The following PALB2 variants were observed in gnomAD, a reference collection of about 807,000 sequenced individuals.
The protein encoded by PALB2 is partner and localizer of BRCA2.
Under a neutral mutation model 107.4 loss-of-function variants are expected in PALB2, and 82 were observed. The ratio of observed to expected loss-of-function variants is 0.76; its 90% CI spans 0.64 to 0.92. PALB2 has a LOEUF of 0.92. Among genes scored for constraint, PALB2 ranks in the 40% least tolerant of loss-of-function variants. The pLI, the probability that PALB2 is intolerant of heterozygous loss-of-function variation, is 0.00. For synonymous variants in PALB2, 489 were observed against 496.8 expected, an observed-to-expected ratio of 0.98 and a Z score of 0.21; for missense variants, 1,374 against 1,379.9, an observed-to-expected ratio of 1.00 and a Z score of 0.07.
At chr16:23,605,647 G>T (rs1966458380) in intron 12 of PALB2, among the ~76,000 whole-genome samples, 1 of 152,168 alleles carries the variant, frequency 6.6e-6, no homozygotes, top group Non-Finnish European at 1.5e-5. Flanking sequence ...GACCTCAAGT[G>T]ATCTGCCCGC....
At chr16:23,625,103 C>A (rs900949610) in intron 7 of PALB2, among the ~76,000 whole-genome samples, 1 of 152,008 alleles carries the variant, frequency 6.6e-6, no homozygotes, top group South Asian at 2.1e-4. Flanking sequence ...GAAGCCGAGG[C>A]GAGTGGATCA....
At chr16:23,618,211 A>G (rs982430957) in intron 10 of PALB2, among the ~76,000 whole-genome samples, 2 of 152,098 alleles carry the variant, frequency 1.3e-5, no homozygotes, top group South Asian at 4.1e-4. Context: ...AGGTGGGAGG[A>G]TTCCTTGAGC....
rs113217267 is a variant in PALB2 at position 23,635,825 on chromosome 16, T to C, written c.721A>G (p.Asn241Asp). The change falls in exon 4 of 13, where the codon AAT (asparagine) becomes GAT (aspartate). Residue 241 changes from asparagine (N) to aspartate (D), a missense_variant. Asn to Asp is a conservative substitution (Grantham distance 23). Transcript: ENST00000261584. Reference sequence around the variant, plus strand: ...GGAACTGTAGTCGCCCTGGTGAAATTAGGTCTTCTTAGGAATGTATCAACA... The same window carrying C: ...GGAACTGTAGTCGCCCTGGTGAAATCAGGTCTTCTTAGGAATGTATCAACA... The part of the protein sequence containing the change: ...KGVDTFLRRP[N>D]FTRATTVPLQ... 3.3e-4 allele frequency: 537 copies of C among 1,614,164 alleles called. 3 individuals are homozygous for C. In the African/African-American group the frequency reaches 6.3e-3, roughly 19 times the overall value.
In PALB2 at chr16:23,638,101, C is replaced by G. The variant is rs1967111702; in HGVS notation, c.77G>C (p.Arg26Thr). The G allele has an allele frequency of 6.2e-7, 1 of 1,614,020 alleles. No individual in the cohort carries two copies. The highest frequency in any genetic ancestry group is 8.5e-7 in the Non-Finnish European group (1 of 1,179,962). Residue 26 changes from arginine (R) to threonine (T), a missense_variant, in exon 2 of 13, where the codon AGG becomes ACG. Transcript: ENST00000261584. ...KLKEKLAFLK[R>T]EYSKTLARLQ... The stretch of plus-strand genomic sequence containing the variant: ...GCGGGCTAGTGTCTTGCTGTATTCC[C>G]TTTTCAAGAATGCTAATTTCTCCTT...
At position 23,641,048 on chromosome 16, in the gene PALB2, G is replaced by C. The variant is rs1186755262; in HGVS notation, c.48+62C>G. ...CGGACTGCCGAGGACACAAAGCCAG[G>C]CCTAAAACCCTGGGAAAGCGGGGTC... On this transcript the variant is annotated intron_variant, in intron 1 of 12. Transcript: ENST00000261584. 5 of 1,588,018 alleles carry C rather than the reference G, an allele frequency of 3.1e-6. 1 individual carries two copies. In the African/African-American group the frequency reaches 6.7e-5, roughly 21 times the overall value.
chr16:23,618,296 A>C (rs398357), intron 10 of PALB2, among the ~76,000 whole-genome samples: 9,851 of 152,106 alleles, frequency 0.065, 360 homozygotes, highest in East Asian at 0.17. Flanking sequence ...CTGGGTACTG[A>C]GTGAGACTCT....
At chr16:23,614,206 A>G (rs1308316529) in intron 10 of PALB2, 115 bp from the exon 11 acceptor site, 1 of 739,424 alleles carries the variant, frequency 1.4e-6, no homozygotes, top group Non-Finnish European at 2.3e-6. Flanking sequence ...AAAAACTAAG[A>G]GCTCCTTAGT....
chr16:23,623,916 C>T, intron 8 of PALB2, 93 bp downstream of exon 8: 1 of 826,832 alleles, frequency 1.2e-6, no homozygotes, highest in Non-Finnish European at 2.1e-6. Flanking sequence ...CAGATTCTTT[C>T]AAGACTCAAG....
In PALB2 at chr16:23,624,012, A is replaced by T. The variant is rs201817103; in HGVS notation, c.2831T>A (p.Ile944Asn). 3 of 1,577,962 alleles carry T rather than the reference A, an allele frequency of 1.9e-6. No individual in the cohort carries two copies. Among genetic ancestry groups the T allele is most frequent in the South Asian group, 1.1e-5 (1 of 90,284 alleles). ...TCACTCCTTGGGAATTACATACCTG[A>T]TCTCTCTGATTTCCAAATTTCCCAA... is the stretch of plus-strand genomic sequence containing the variant. ...VALGNLEIRE[I>N]RALFCSSDDE... is the part of the protein sequence containing the mutation. Residue 944 changes from isoleucine (I) to asparagine (N), a missense_variant, in exon 8 of 13, where the codon ATC (isoleucine) becomes AAC (asparagine). Transcript: ENST00000261584.
chr16:23,634,935 C>G lies in PALB2; in HGVS notation c.1611G>C (p.Ser537=), dbSNP rs730881874. Residue 537 remains serine (S), a synonymous_variant, in exon 4 of 13, where the codon TCG becomes TCC. Transcript: ENST00000261584. ...CEPLLPTSSL[S]IVNRSKEEVT... is the part of the protein sequence containing the mutation. ...CTTCTTCCTTGGACCTGTTAACAAT[C>G]GACAGGCTAGAAGTTGGCAAAAGTG... is the stretch of plus-strand genomic sequence containing the variant. 1 of 1,614,104 alleles carries G rather than the reference C, an allele frequency of 6.2e-7. No homozygotes were observed. The highest frequency in any genetic ancestry group is 8.5e-7 in the Non-Finnish European group (1 of 1,180,016).
chr16:23,618,630 C>T (rs1175159737), intron 10 of PALB2, among the ~76,000 whole-genome samples: 1 of 152,024 alleles, frequency 6.6e-6, no homozygotes, highest in African/African-American at 2.4e-5. Context: ...GAGCTATGGT[C>T]ATGCCAGTGC....
Position 23,629,264 on chromosome 16 carries a change from T to C in PALB2, c.2526A>G (p.Ala842=). 1 of 1,613,582 alleles carries C rather than the reference T, an allele frequency of 6.2e-7. No homozygotes were observed. The highest frequency in any genetic ancestry group is 8.5e-7 in the Non-Finnish European group (1 of 1,179,894). ...TTATGCTATCAGAAGCAGGAAGCTC[T>C]GCTGTTTCAGTCTGTGAAAACAAAA... The part of the protein sequence containing the change: ...HKHSVEQTET[A]ELPASDSINP... The change falls in exon 6 of 13, where the codon GCA becomes GCG. Residue 842 remains alanine, a synonymous_variant. Transcript: ENST00000261584.
intron 7 of PALB2, among the ~76,000 whole-genome samples, chr16:23,624,671 AC>A (rs773292291): frequency 3.3e-5 from 5 of 152,090 alleles, no homozygotes; most frequent in Non-Finnish European, 7.4e-5. Context: ...TCGCCACCAC[AC>A]CTGGCTAATT....
rs759587160 is a variant in PALB2, at chr16:23,608,011, C to T, written c.3203G>A (p.Gly1068Glu). The T allele has an allele frequency of 3.7e-6, 6 of 1,613,446 alleles. No homozygotes were observed. The highest frequency in any genetic ancestry group is 5.1e-6 in the Non-Finnish European group (6 of 1,179,516). ...ATGACTCAGGACAATAAAGAGAAGCCCCTAATTTCGGAGAAAAATAAATAT... is the reference window on the plus strand; with the variant it reads ...ATGACTCAGGACAATAAAGAGAAGCTCCTAATTTCGGAGAAAAATAAATAT... ...SVCHKAYSEM[G>E]LLFIVLSHPC... Residue 1068 changes from glycine (G) to glutamate (E), a missense_variant and splice_region_variant, in exon 12 of 13, where the codon GGG (glycine) becomes GAG (glutamate). Coordinates refer to ENST00000261584, the MANE Select transcript of PALB2 (RefSeq NM_024675.4).
chr16:23,639,439 A>G (rs1049757606), intron 1 of PALB2, among the ~76,000 whole-genome samples: 1 of 150,506 alleles, frequency 6.6e-6, no homozygotes, highest in Non-Finnish European at 1.5e-5. Context: ...GAATTGCTTG[A>G]ACCCGGAGGC....
chr16:23,630,112 T>C lies in PALB2; in HGVS notation c.2042A>G (p.Lys681Arg), dbSNP rs1555460514. The C allele has an allele frequency of 6.2e-7, 1 of 1,614,188 alleles. No homozygotes were observed. Among genetic ancestry groups the C allele is most frequent in the Non-Finnish European group, 8.5e-7 (1 of 1,180,042 alleles). The change falls in exon 5 of 13, where the codon AAA becomes AGA. Residue 681 changes from lysine (K) to arginine (R), a missense_variant. Coordinates refer to ENST00000261584, the MANE Select transcript of PALB2 (RefSeq NM_024675.4). ...LEEDLIVLPG[K>R]SHPKRPNSQS... is the part of the protein sequence containing the mutation. Reference sequence around the variant, plus strand: ...CGAGTTTGGCCTTTTGGGATGTGATTTTCCTGGTAGAACAATAAGGTCCTC... The same window carrying C: ...CGAGTTTGGCCTTTTGGGATGTGATCTTCCTGGTAGAACAATAAGGTCCTC...
chr16:23,622,230 T>C (rs1966785117), intron 9 of PALB2, among the ~76,000 whole-genome samples: 1 of 152,184 alleles, frequency 6.6e-6, no homozygotes, highest in Non-Finnish European at 1.5e-5. Context: ...GTCTAATAAA[T>C]AGGCCTGCAG....
At chr16:23,611,414 G>A (rs1266103786) in intron 11 of PALB2, among the ~76,000 whole-genome samples, 1 of 151,964 alleles carries the variant, frequency 6.6e-6, no homozygotes, top group Admixed American at 6.6e-5. Flanking sequence ...CCAAAGTGCT[G>A]GGATTACAGG....
In PALB2 at chr16:23,635,141, A is replaced by G. The variant is rs1060502789; in HGVS notation, c.1405T>C (p.Cys469Arg). ...DQSEIRMSGT[C>R]TGQPSSRTSQ... ...GTTCTTGAACTTGGTTGTCCTGTGCATGTGCCAGACATCCTAATTTCACTT... is the reference window on the plus strand; with the variant it reads ...GTTCTTGAACTTGGTTGTCCTGTGCGTGTGCCAGACATCCTAATTTCACTT... The change falls in exon 4 of 13, where the codon TGC (cysteine) becomes CGC (arginine). Residue 469 changes from cysteine to arginine, a missense_variant. Physicochemically the swap from Cys to Arg is radical, Grantham distance 180. Transcript: ENST00000261584. 3.1e-6 allele frequency: 5 copies of G among 1,614,100 alleles called. No individual in the cohort carries two copies. In the African/African-American group the frequency reaches 6.7e-5, roughly 22 times the overall value.
Sources: allele counts gnomAD v4.1 joint callset (sites outside exome capture counted in the v4.1 genomes callset), GRCh38; gene constraint gnomAD v4.1.1; transcripts MANE v1.5; gene names NCBI Gene and HGNC (gene_info 2026-07-23, HGNC 2026-07-21).